The following PRUNE2 variants were observed in gnomAD, a reference collection of about 807,000 sequenced individuals.
PRUNE2 encodes protein prune homolog 2.
PRUNE2 carries 164 observed loss-of-function variants against 252.0 expected under a neutral mutation model. That is an observed-to-expected ratio of 0.65 (90% CI 0.57 to 0.74). PRUNE2 has a LOEUF of 0.74. Among genes scored for constraint, PRUNE2 ranks in the 30% least tolerant of loss-of-function variants. The probability of loss-of-function intolerance (pLI) is 0.00; values close to 1 mark genes in which losing one functional copy is unlikely to be tolerated. For missense variants in PRUNE2, 3,495 were observed against 3,711.0 expected (o/e 0.94, Z 1.51); for synonymous variants, 1,292 against 1,350.2 (o/e 0.96, Z 0.94).
intron 1 of PRUNE2, among the ~76,000 whole-genome samples, chr9:76,889,770 C>T: frequency 6.6e-6 from 1 of 152,224 alleles, no homozygotes; most frequent in Non-Finnish European, 1.5e-5. Context: ...AGGGCACCTT[C>T]TCCCAGCTGT....
At chr9:76,660,608 C>T (rs551653319) in intron 9 of PRUNE2, among the ~76,000 whole-genome samples, 1 of 151,604 alleles carries the variant, frequency 6.6e-6, no homozygotes, top group Admixed American at 6.6e-5. Context: ...ATGGTGAAAC[C>T]CCATCTCTAC....
At chr9:76,683,814 T>G (rs898788818) in intron 9 of PRUNE2, among the ~76,000 whole-genome samples, 1 of 151,468 alleles carries the variant, frequency 6.6e-6, no homozygotes, top group African/African-American at 2.4e-5. Flanking sequence ...TATTTATCTA[T>G]ATATATATAT....
chr9:76,701,306 T>C (rs1209390760), intron 9 of PRUNE2, among the ~76,000 whole-genome samples: 1 of 152,258 alleles, frequency 6.6e-6, no homozygotes, highest in Non-Finnish European at 1.5e-5. Flanking sequence ...AAATTATTTA[T>C]GCAAAAGATA....
At chr9:76,678,299 C>T (rs1349590835) in intron 9 of PRUNE2, among the ~76,000 whole-genome samples, 1 of 130,370 alleles carries the variant, frequency 7.7e-6, no homozygotes, top group Non-Finnish European at 1.5e-5. Context: ...TGCAGTGAGC[C>T]GAGATGGTGC....
chr9:76,885,005 C>T (rs1236254568), intron 1 of PRUNE2, among the ~76,000 whole-genome samples: 1 of 152,236 alleles, frequency 6.6e-6, no homozygotes, highest in Non-Finnish European at 1.5e-5. Context: ...AACAGAATCA[C>T]TGAAGAGGTG....
rs776033825 is a variant in PRUNE2 at position 76,905,986 on chromosome 9, C to A, written c.-23G>T. ...CATGTCGTGGCTAGGGGTTTGGAAC[C>A]CGGGTACTCGGAGGGGCGCAGTGGA... On this transcript the variant is annotated 5_prime_UTR_variant, in exon 1 of 19. Coordinates refer to ENST00000376718, the MANE Select transcript of PRUNE2 (RefSeq NM_015225.3). 2.5e-6 allele frequency: 4 copies of A among 1,613,838 alleles called. No homozygotes were observed. Among genetic ancestry groups the A allele is most frequent in the Non-Finnish European group, 3.4e-6 (4 of 1,179,836 alleles).
chr9:76,855,082 A>AAAAAAAAAAAAAAAATAT (rs1490285240), intron 1 of PRUNE2, among the ~76,000 whole-genome samples: 1 of 109,438 alleles, frequency 9.1e-6, no homozygotes, highest in African/African-American at 3.9e-5. Context: ...AAAAAAAAAA[A>AAAAAAAAAAAAAAAATAT]ATATATATAT....
intron 6 of PRUNE2, among the ~76,000 whole-genome samples, chr9:76,808,296 T>G (rs867639106): frequency 6.6e-5 from 10 of 152,248 alleles, no homozygotes; most frequent in African/African-American, 2.4e-4. Flanking sequence ...CAAAAAGGAC[T>G]GTTGACTTGG....
chr9:76,763,353 C>T (rs2051948713), intron 6 of PRUNE2, among the ~76,000 whole-genome samples: 1 of 152,124 alleles, frequency 6.6e-6, no homozygotes, highest in African/African-American at 2.4e-5. Context: ...TACTATGTGG[C>T]TTAAGTATTA....
intron 9 of PRUNE2, among the ~76,000 whole-genome samples, chr9:76,676,815 C>G (rs1055555999): frequency 1.3e-5 from 2 of 152,136 alleles, no homozygotes; most frequent in Non-Finnish European, 2.9e-5. Flanking sequence ...CTGACATTTT[C>G]CAAAATAAAG....
In PRUNE2 at chr9:76,846,671, T is replaced by A; in HGVS notation, c.352A>T (p.Lys118Ter). ...VGSSVLASED[K>*]TLESAVVKVI... ...TTGACAACTGCTGATTCTAAAGTTT[T>A]GTCTTCACTGTAAAGCAAATGGAGG... The change falls in exon 4 of 19, where the codon AAA (lysine) becomes TAA (stop). Residue 118 changes from lysine to a stop codon, truncating the protein, a stop_gained. Coordinates refer to ENST00000376718, the MANE Select transcript of PRUNE2 (RefSeq NM_015225.3). LOFTEE classifies it high-confidence loss of function. 1 of 1,613,668 alleles carries A rather than the reference T, an allele frequency of 6.2e-7. No homozygotes were observed.
chr9:76,614,934 G>C (rs1289418668), intron 18 of PRUNE2, among the ~76,000 whole-genome samples: 1 of 152,194 alleles, frequency 6.6e-6, no homozygotes, highest in Non-Finnish European at 1.5e-5. Flanking sequence ...CAGAAATCAT[G>C]CCATTTTATT....
intron 6 of PRUNE2, among the ~76,000 whole-genome samples, chr9:76,761,770 G>T (rs552895862): frequency 6.6e-6 from 1 of 152,186 alleles, no homozygotes; most frequent in African/African-American, 2.4e-5. Flanking sequence ...ATTAATCAAA[G>T]TTTATCAAAA....
chr9:76,663,005 T>C (rs1175015969), intron 9 of PRUNE2, among the ~76,000 whole-genome samples: 1 of 152,210 alleles, frequency 6.6e-6, no homozygotes, highest in Non-Finnish European at 1.5e-5. Flanking sequence ...AATTAGCCTA[T>C]GGGCTGGAGG....
chr9:76,638,434 G>A (rs867103710), intron 12 of PRUNE2, 146 bp from the exon 13 acceptor site: 31 of 616,506 alleles, frequency 5.0e-5, no homozygotes, highest in Admixed American at 1.0e-4. Context: ...TTGACTATAG[G>A]TCTGTAGGTA....
intron 6 of PRUNE2, among the ~76,000 whole-genome samples, chr9:76,745,271 G>A (rs770964839): frequency 3.3e-5 from 5 of 152,128 alleles, no homozygotes; most frequent in South Asian, 2.1e-4. Context: ...TTCAGCTGCC[G>A]TTGTAAAGCT....
At chr9:76,822,367 G>T (rs180713570) in intron 6 of PRUNE2, among the ~76,000 whole-genome samples, 1 of 152,258 alleles carries the variant, frequency 6.6e-6, no homozygotes, top group Admixed American at 6.5e-5. Context: ...ATTATAATGC[G>T]TATGAACTGG....
At chr9:76,715,830 G>T (rs2047101180) in intron 6 of PRUNE2, among the ~76,000 whole-genome samples, 2 of 152,126 alleles carry the variant, frequency 1.3e-5, no homozygotes, top group African/African-American at 4.8e-5. Flanking sequence ...GGTGAATCAA[G>T]AACCTCATTG....
At chr9:76,748,425 G>A (rs1429259238) in intron 6 of PRUNE2, among the ~76,000 whole-genome samples, 1 of 152,124 alleles carries the variant, frequency 6.6e-6, no homozygotes, top group African/African-American at 2.4e-5. Flanking sequence ...CAGAGGAGAG[G>A]CACCAAATTC....
Sources: gnomAD v4.1 joint callset for allele counts (sites outside exome capture counted in the v4.1 genomes callset) on GRCh38, gnomAD v4.1.1 for gene constraint, MANE v1.5 for transcripts, NCBI Gene and HGNC (gene_info 2026-07-23, HGNC 2026-07-21) for gene names.